Variants in SLMAP observed in about 807,000 individuals in gnomAD.
SLMAP encodes sarcolemmal membrane-associated protein.
SLMAP carries 44 observed loss-of-function variants against 128.8 expected under a neutral mutation model. The observed-to-expected ratio is 0.34, with a 90% CI of 0.27 to 0.44. The LOEUF (loss-of-function observed/expected upper bound fraction) is 0.44. Ranked by LOEUF, SLMAP falls within the 20% of genes least tolerant of loss-of-function variation. The probability of loss-of-function intolerance (pLI) is 1.00; values close to 1 mark genes in which losing one functional copy is unlikely to be tolerated. For missense variants in SLMAP, 787 were observed against 985.3 expected (o/e 0.80, Z 2.69); for synonymous variants, 327 against 348.8 (o/e 0.94, Z 0.70).
intron 3 of SLMAP, among the ~76,000 whole-genome samples, chr3:57,835,768 A>G (rs975893825): frequency 2.0e-5 from 3 of 152,250 alleles, no homozygotes; most frequent in Admixed American, 1.3e-4. Flanking sequence ...GTGAAAATGT[A>G]TGGACTAAAT....
intron 21 of SLMAP, among the ~76,000 whole-genome samples, chr3:57,915,458 C>A (rs2096790775): frequency 6.6e-6 from 1 of 152,138 alleles, no homozygotes; most frequent in South Asian, 2.1e-4. Context: ...GCTTGATAAG[C>A]CTCCCCAGCA....
intron 17 of SLMAP, chr3:57,899,193 A>G (rs1469641591): frequency 6.6e-6 from 1 of 152,228 alleles, no homozygotes; most frequent in African/African-American, 2.4e-5. Context: ...ATAATCAGGA[A>G]AAAATATTTT....
intron 2 of SLMAP, among the ~76,000 whole-genome samples, chr3:57,778,790 G>C (rs766117628): frequency 6.6e-6 from 1 of 151,864 alleles, no homozygotes; most frequent in Non-Finnish European, 1.5e-5. Flanking sequence ...TGCCCAGGCT[G>C]TCTAGTTTCT....
chr3:57,899,786 A>G (rs113459387), intron 17 of SLMAP: 4 of 152,304 alleles, frequency 2.6e-5, no homozygotes, highest in African/African-American at 4.8e-5. Flanking sequence ...TTAAGAACAG[A>G]CTGTCAAGTC....
At chr3:57,831,353 G>T in intron 2 of SLMAP, 30 bp from the exon 3 acceptor site, 1 of 1,402,186 alleles carries the variant, frequency 7.1e-7, no homozygotes, top group Non-Finnish European at 9.5e-7. Flanking sequence ...TTAATATTTG[G>T]CCCTTTTTTG....
chr3:57,860,918 C>T (rs1185701804), intron 9 of SLMAP, 79 bp downstream of exon 9: 2 of 1,184,300 alleles, frequency 1.7e-6, no homozygotes, highest in Non-Finnish European at 2.4e-6. Flanking sequence ...ATACTTTAAA[C>T]TTGGGTATTA....
chr3:57,855,041 G>A (rs934561765), intron 6 of SLMAP, among the ~76,000 whole-genome samples: 1 of 152,114 alleles, frequency 6.6e-6, no homozygotes, highest in Admixed American at 6.6e-5. Context: ...AATAGTATTC[G>A]TGTTTAGAAA....
rs1468067285 is a variant in SLMAP, at chr3:57,757,217, C to T, written c.-435C>T. ...GCGCCGAACCGACCCTTCATTCATG[C>T]TGCAGTGCTGCAACGTTTCCGCCAC... On this transcript the variant is annotated 5_prime_UTR_variant, in exon 2 of 25. Transcript: ENST00000671191. 1 of 250,784 alleles carries T rather than the reference C, an allele frequency of 4.0e-6. No homozygotes were observed. The highest frequency in any genetic ancestry group is 5.2e-5 in the Admixed American group (1 of 19,366). 15.5% of individuals were successfully genotyped at this position (250,784 alleles called of 1,614,324 possible). A position where few individuals can be genotyped will look rare whatever the true frequency, so the allele number is the denominator to read the frequency against.
At chr3:57,804,010 G>T (rs920071928) in intron 2 of SLMAP, among the ~76,000 whole-genome samples, 1 of 152,026 alleles carries the variant, frequency 6.6e-6, no homozygotes, top group Non-Finnish European at 1.5e-5. Flanking sequence ...TGTATGGGTG[G>T]GACCAAATAT....
intron 15 of SLMAP, among the ~76,000 whole-genome samples, chr3:57,892,760 C>T (rs1359773582): frequency 6.7e-6 from 1 of 148,918 alleles, no homozygotes; most frequent in Non-Finnish European, 1.5e-5. Context: ...GCCTGGGCAA[C>T]GTAACAAGAC....
At chr3:57,818,489 A>G (rs2092164863) in intron 2 of SLMAP, among the ~76,000 whole-genome samples, 1 of 152,204 alleles carries the variant, frequency 6.6e-6, no homozygotes, top group Admixed American at 6.5e-5. Flanking sequence ...GTATGGGGAT[A>G]ATATAACATC....
intron 2 of SLMAP, among the ~76,000 whole-genome samples, chr3:57,812,698 G>A (rs1002860949): frequency 6.6e-6 from 1 of 151,926 alleles, no homozygotes; most frequent in Non-Finnish European, 1.5e-5. Context: ...ATGATTATGG[G>A]ATGTGTTTTT....
intron 2 of SLMAP, among the ~76,000 whole-genome samples, chr3:57,822,629 C>CA (rs1395977169): frequency 6.6e-6 from 1 of 152,128 alleles, no homozygotes; most frequent in African/African-American, 2.4e-5. Context: ...CTGTAGCAGC[C>CA]AGGTGATGGT....
intron 2 of SLMAP, among the ~76,000 whole-genome samples, chr3:57,770,573 G>A (rs922082842): frequency 6.6e-6 from 1 of 152,214 alleles, no homozygotes; most frequent in Admixed American, 6.5e-5. Context: ...GGGAGGCAGT[G>A]TAGTCAAAGA....
At chr3:57,774,873 G>T (rs2081525536) in intron 2 of SLMAP, among the ~76,000 whole-genome samples, 1 of 151,968 alleles carries the variant, frequency 6.6e-6, no homozygotes, top group African/African-American at 2.4e-5. Flanking sequence ...TCTGATGATT[G>T]TGCTTCATAT....
At chr3:57,917,256 G>T in intron 22 of SLMAP, 179 bp downstream of exon 22, 1 of 1,444,614 alleles carries the variant, frequency 6.9e-7, no homozygotes, top group Non-Finnish European at 9.2e-7. Flanking sequence ...CATATGTAGA[G>T]AATTCTTCAG....
intron 14 of SLMAP, among the ~76,000 whole-genome samples, chr3:57,885,287 G>A (rs947916832): frequency 6.6e-6 from 1 of 151,536 alleles, no homozygotes; most frequent in African/African-American, 2.4e-5. Context: ...GGTCAGTCTG[G>A]TCTCGAACTC....
chr3:57,910,349 A>G (rs2096664357), intron 19 of SLMAP, among the ~76,000 whole-genome samples: 2 of 151,816 alleles, frequency 1.3e-5, no homozygotes, highest in African/African-American at 4.8e-5. Flanking sequence ...ATGCCCAGCT[A>G]ATTTTTGTAT....
chr3:57,824,684 C>A (rs186470235), intron 2 of SLMAP, among the ~76,000 whole-genome samples: 46 of 152,306 alleles, frequency 3.0e-4, no homozygotes, highest in African/African-American at 1.1e-3. Context: ...AGGAAATATG[C>A]ATCTTCCAAC....
Sources: gnomAD v4.1 joint callset for allele counts (sites outside exome capture counted in the v4.1 genomes callset) on GRCh38, gnomAD v4.1.1 for gene constraint, MANE v1.5 for transcripts, NCBI Gene and HGNC (gene_info 2026-07-23, HGNC 2026-07-21) for gene names.